Variants in SFXN2 observed in about 807,000 individuals in gnomAD.
SFXN2 encodes the protein sideroflexin 2.
SFXN2 carries 37 observed loss-of-function variants against 41.9 expected under a neutral mutation model. The ratio of observed to expected loss-of-function variants is 0.88; its 90% CI spans 0.68 to 1.16. SFXN2 has a LOEUF of 1.16. Ranked by LOEUF, SFXN2 falls within the 50% of genes most tolerant of loss-of-function variation. The pLI, the probability that SFXN2 is intolerant of heterozygous loss-of-function variation, is 0.00. For missense variants in SFXN2, 386 were observed against 425.2 expected (o/e 0.91, Z 0.81); for synonymous variants, 150 against 156.7 (o/e 0.96, Z 0.32).
intron 1 of SFXN2, among the ~76,000 whole-genome samples, chr10:102,717,288 C>T (rs778993463): frequency 1.3e-5 from 2 of 152,030 alleles, no homozygotes; most frequent in African/African-American, 2.4e-5. Context: ...CGTGCCACCA[C>T]GCCTGGCTAA....
At chr10:102,732,988 C>T in intron 9 of SFXN2, 80 bp downstream of exon 9, 2 of 1,405,128 alleles carry the variant, frequency 1.4e-6, no homozygotes, top group Admixed American at 1.7e-5. Context: ...CTGACCTGCC[C>T]TCCCCCACCC....
rs542910925 is a variant in SFXN2 at position 102,720,058 on chromosome 10, C to T, written c.-26+5377C>T. Among the ~76,000 whole-genome samples the T allele has an allele frequency of 4.6e-5, 7 of 151,980 alleles. No homozygotes were observed. In the South Asian group the frequency reaches 8.3e-4, roughly 18 times the overall value. On this transcript the variant is annotated intron_variant, in intron 1 of 11. Coordinates refer to ENST00000369893, the MANE Select transcript of SFXN2 (RefSeq NM_178858.6). ...TAATCCCAACACTTGGGGAGGCCGA[C>T]GCGGGTAATGGGTCACGAGGTCAGG...
rs1842767637 is a variant in SFXN2, at chr10:102,740,298, G to C, written c.*2536G>C. On this transcript the variant is annotated 3_prime_UTR_variant, in exon 12 of 12. Transcript: ENST00000369893. ...ATCTCACTCTGTTACCCTGGTTGGA[G>C]TGCAGTAGTGCAATCACTGCTCATT... is the stretch of plus-strand genomic sequence containing the variant. The C allele has an allele frequency of 6.6e-6, 1 of 152,226 alleles. No homozygotes were observed. Among genetic ancestry groups the C allele is most frequent in the African/African-American group, 2.4e-5 (1 of 41,436 alleles). The allele number at this position is 152,226 out of a possible 1,614,324, so 9.4% of individuals were successfully genotyped here. A position where few individuals can be genotyped will look rare whatever the true frequency, so the allele number is the denominator to read the frequency against.
At chr10:102,736,465 A>G (rs1281805728) in intron 11 of SFXN2, among the ~76,000 whole-genome samples, 5 of 136,206 alleles carry the variant, frequency 3.7e-5, no homozygotes, top group Non-Finnish European at 7.7e-5. Flanking sequence ...CTCCGTCGCC[A>G]GGCTGGGGTG....
At chr10:102,717,195 G>A (rs1166778010) in intron 1 of SFXN2, among the ~76,000 whole-genome samples, 1 of 141,866 alleles carries the variant, frequency 7.0e-6, no homozygotes, top group African/African-American at 2.6e-5. Flanking sequence ...GCAGTGGTGC[G>A]ATCTTGGCTC....
At chr10:102,735,306 T>TA (rs1328473332) in intron 10 of SFXN2, among the ~76,000 whole-genome samples, 3 of 147,554 alleles carry the variant, frequency 2.0e-5, no homozygotes, top group Non-Finnish European at 4.5e-5. Context: ...TCCTCCCCCT[T>TA]CAAGTCGCTC....
chr10:102,717,124 C>CTTTTTTTTT (rs55839661), intron 1 of SFXN2, among the ~76,000 whole-genome samples: 2 of 97,220 alleles, frequency 2.1e-5, no homozygotes, highest in Admixed American at 1.4e-4. Context: ...TTCTCTCTCT[C>CTTTTTTTTT]TTTTTTTTTT....
Position 102,734,090 on chromosome 10 carries a change from G to A in SFXN2, c.821+487G>A, listed in dbSNP as rs370578338. 2.6e-5 allele frequency among the ~76,000 whole-genome samples: 4 copies of A among 152,124 alleles called. No homozygotes were observed. The South Asian group carries it at 8.3e-4, about 32-fold the overall frequency. ...TCATCATGTTGGCCAGGCTGGTCTC[G>A]AACTCCTGACCTCAAGTGATCCACC... On this transcript the variant is annotated intron_variant, in intron 10 of 11. Transcript: ENST00000369893. This position sits in a 1 kb window ranked among gnomAD's most constrained non-coding sequence, Gnocchi z 4.1.
rs1462089599 is a variant in SFXN2 at position 102,742,149 on chromosome 10, A to G, written c.*4387A>G. The G allele has an allele frequency of 7.2e-6, 1 of 139,742 alleles. No homozygotes were observed. Among genetic ancestry groups the G allele is most frequent in the East Asian group, 2.1e-4 (1 of 4,692 alleles). The allele number at this position is 139,742 out of a possible 1,614,324, so 8.7% of individuals were successfully genotyped here. A position where few individuals can be genotyped will look rare whatever the true frequency, so the allele number is the denominator to read the frequency against. The stretch of plus-strand genomic sequence containing the variant: ...ATTTGCCATGGGTCTTCCTTTGTCC[A>G]TTTATTTTACCAACTTTTTTTTTTC... On this transcript the variant is annotated 3_prime_UTR_variant, in exon 12 of 12. Coordinates refer to ENST00000369893, the MANE Select transcript of SFXN2 (RefSeq NM_178858.6).
At chr10:102,715,132 A>G (rs920939233) in intron 1 of SFXN2, 4 of 152,388 alleles carry the variant, frequency 2.6e-5, no homozygotes, top group African/African-American at 9.6e-5. Flanking sequence ...TCACAGGCTT[A>G]AGCGATTCTC....
intron 1 of SFXN2, among the ~76,000 whole-genome samples, chr10:102,715,666 C>A (rs1042576021): frequency 6.6e-6 from 1 of 152,112 alleles, no homozygotes; most frequent in Admixed American, 6.5e-5. Context: ...GTAATTGCGG[C>A]CAGGCGCAGT....
intron 10 of SFXN2, among the ~76,000 whole-genome samples, chr10:102,735,190 C>G (rs10883769): frequency 0.21 from 31,191 of 149,732 alleles, 3,364 homozygotes; most frequent in Middle Eastern, 0.31. Flanking sequence ...GTCCTTCCTC[C>G]CTCTCCATGT....
chr10:102,735,955 AGC>A (rs2134007782), intron 11 of SFXN2, 46 bp downstream of exon 11: 1 of 1,581,068 alleles, frequency 6.3e-7, no homozygotes, highest in East Asian at 2.2e-5. Context: ...CCATGCTGCC[AGC>A]GCGCTCCCTG....
chr10:102,732,867 C>A lies in SFXN2; in HGVS notation c.730C>A (p.Pro244Thr), dbSNP rs1271495107. ...TMSAPGMILL[P>T]VIMERLEKLH... is the part of the protein sequence containing the mutation. ...TCCCTGGTCTCTTCCAGTCTTGCTGCCAGTCATCATGGAAAGGCTTGAGAA... is the reference window on the plus strand; with the variant it reads ...TCCCTGGTCTCTTCCAGTCTTGCTGACAGTCATCATGGAAAGGCTTGAGAA... The change falls in exon 9 of 12, where the codon CCA becomes ACA. Residue 244 changes from proline to threonine, a missense_variant. By Grantham distance (38) the Pro-to-Thr change is conservative. Transcript: ENST00000369893. 6.2e-7 allele frequency: 1 copy of A among 1,614,152 alleles called. No individual in the cohort carries two copies. Among genetic ancestry groups the A allele is most frequent in the Non-Finnish European group, 8.5e-7 (1 of 1,180,002 alleles).
rs1377979566 is a variant in SFXN2 at position 102,728,502 on chromosome 10, G to A, written c.404G>A (p.Arg135Lys). 1 of 1,613,734 alleles carries A rather than the reference G, an allele frequency of 6.2e-7. No homozygotes were observed. The highest frequency in any genetic ancestry group is 2.2e-5 in the East Asian group (1 of 44,852). Residue 135 changes from arginine (R) to lysine (K), a missense_variant, in exon 4 of 12, where the codon AGG becomes AAG. By Grantham distance (26) the Arg-to-Lys change is conservative. Coordinates refer to ENST00000369893, the MANE Select transcript of SFXN2 (RefSeq NM_178858.6). The stretch of plus-strand genomic sequence containing the variant: ...AATGCCTTAGTCAACTACACCAACA[G>A]GAATGCGGCTTCCCCCACATCAGTC... ...SFNALVNYTN[R>K]NAASPTSVRQ... is the part of the protein sequence containing the mutation.
In SFXN2 at chr10:102,729,921, T is replaced by G. The variant is rs970146240; in HGVS notation, c.593+113T>G. The G allele has an allele frequency of 2.6e-6, 3 of 1,173,456 alleles. No homozygotes were observed. The African/African-American group carries it at 4.6e-5, about 18-fold the overall frequency. The allele number at this position is 1,173,456 out of a possible 1,614,324, so 72.7% of individuals were successfully genotyped here. A position where few individuals can be genotyped will look rare whatever the true frequency, so the allele number is the denominator to read the frequency against. On this transcript the variant is annotated intron_variant, in intron 6 of 11. Transcript: ENST00000369893. ...CTGCGGTGGGCATGGGGAGGGCTGCTGGGCTGAGCCTCTGAAGGGCCCTGG... is the reference window on the plus strand; with the variant it reads ...CTGCGGTGGGCATGGGGAGGGCTGCGGGGCTGAGCCTCTGAAGGGCCCTGG...
intron 1 of SFXN2, chr10:102,717,839 A>G: frequency 1.0e-6 from 1 of 963,058 alleles, no homozygotes; most frequent in Non-Finnish European, 1.2e-6. Flanking sequence ...CATCACAGAC[A>G]TGATCCCGAT....
In SFXN2 at chr10:102,737,860, C is replaced by T; in HGVS notation, c.*98C>T. 1 of 819,080 alleles carries T rather than the reference C, an allele frequency of 1.2e-6. No individual in the cohort carries two copies. Among genetic ancestry groups the T allele is most frequent in the Non-Finnish European group, 2.0e-6 (1 of 503,562 alleles). 50.7% of individuals were successfully genotyped at this position (819,080 alleles called of 1,614,324 possible). On this transcript the variant is annotated 3_prime_UTR_variant, in exon 12 of 12. Transcript: ENST00000369893. Reference sequence around the variant, plus strand: ...TCCTCCTTCCCCTTTGCCAACAAGGCCTGAAGGCCAGGGTAGATTGGGGGG... The same window carrying T: ...TCCTCCTTCCCCTTTGCCAACAAGGTCTGAAGGCCAGGGTAGATTGGGGGG...
chr10:102,737,468 G>A (rs2064797019), intron 11 of SFXN2, among the ~76,000 whole-genome samples, 195 bp from the exon 12 acceptor site: 1 of 152,196 alleles, frequency 6.6e-6, no homozygotes, highest in Admixed American at 6.5e-5. Context: ...GAAGATGGAA[G>A]TTGAAACGAA....
Sources: gnomAD v4.1 joint callset for allele counts (sites outside exome capture counted in the v4.1 genomes callset) on GRCh38, gnomAD v4.1.1 for gene constraint, Gnocchi (gnomAD v3.1) non-coding constraint, MANE v1.5 for transcripts, NCBI Gene and HGNC (gene_info 2026-07-23, HGNC 2026-07-21) for gene names.